Variants in MYO18B observed in about 807,000 individuals in gnomAD.
The protein encoded by MYO18B is myosin XVIIIB, also known as unconventional myosin-XVIIIb.
A neutral mutation model predicts 273.0 loss-of-function variants in MYO18B; 204 were observed. The ratio of observed to expected loss-of-function variants is 0.75; its 90% CI spans 0.67 to 0.84. The LOEUF (loss-of-function observed/expected upper bound fraction) is 0.84, where lower values mean the gene tolerates loss of function less well. MYO18B is among the 40% of genes least tolerant of loss of function. MYO18B has a pLI of 0.00. For missense variants in MYO18B, 3,212 were observed against 3,287.6 expected (o/e 0.98, Z 0.56); for synonymous variants, 1,330 against 1,305.7 (o/e 1.02, Z -0.40).
chr22:25,993,031 G>T (rs2093286171), intron 40 of MYO18B, among the ~76,000 whole-genome samples: 1 of 152,188 alleles, frequency 6.6e-6, no homozygotes, highest in South Asian at 2.1e-4. Flanking sequence ...AAGGGCAATG[G>T]CTGATTCAAG....
rs773659170 is a variant in MYO18B, at chr22:25,876,320, C to A, written c.4212C>A (p.Leu1404=). The A allele has an allele frequency of 1.2e-6, 2 of 1,611,628 alleles. No homozygotes were observed. The highest frequency in any genetic ancestry group is 1.1e-5 in the South Asian group (1 of 90,610). ...GTGCCACCATTGGAACTGAGCAGCT[C>A]CGAGCCAAGGAGGTCAGTCTATGTG... ...LLSATIGTEQ[L]RAKEEELTTL... The change falls in exon 24 of 44, where the codon CTC becomes CTA. Residue 1404 remains leucine (L), a synonymous_variant. Coordinates refer to ENST00000335473, the MANE Select transcript of MYO18B (RefSeq NM_032608.7).
chr22:25,818,644 T>G (rs2089145983), intron 12 of MYO18B, among the ~76,000 whole-genome samples: 1 of 152,190 alleles, frequency 6.6e-6, no homozygotes, highest in Non-Finnish European at 1.5e-5. Context: ...CCATTCCACA[T>G]GGCCTCTTTA....
intron 3 of MYO18B, 57 bp downstream of exon 3, chr22:25,763,446 T>C (rs1046590688): frequency 7.1e-6 from 11 of 1,554,476 alleles, no homozygotes; most frequent in Middle Eastern, 4.0e-4. Flanking sequence ...CATTCTGTCT[T>C]GTGAGCTTCC....
chr22:25,763,283 C>A lies in MYO18B; in HGVS notation c.92C>A (p.Ser31Tyr). Residue 31 changes from serine to tyrosine, a missense_variant, in exon 3 of 44, where the codon TCT (serine) becomes TAT (tyrosine). Coordinates refer to ENST00000335473, the MANE Select transcript of MYO18B (RefSeq NM_032608.7). ...PPPSSPPPLF[S>Y]VIPGGFIKQL... ...CCATCCTCGCCCCCTCCTCTTTTCTCTGTCATCCCAGGGGGCTTCATTAAG... is the reference window on the plus strand; with the variant it reads ...CCATCCTCGCCCCCTCCTCTTTTCTATGTCATCCCAGGGGGCTTCATTAAG... 2 of 1,612,330 alleles carry A rather than the reference C, an allele frequency of 1.2e-6. No homozygotes were observed.
intron 34 of MYO18B, among the ~76,000 whole-genome samples, chr22:25,934,869 C>T (rs1054349450): frequency 2.6e-5 from 4 of 152,084 alleles, no homozygotes; most frequent in East Asian, 3.9e-4. Context: ...CTTAGTGATT[C>T]GGGGGCTCAA....
chr22:25,893,983 C>A (rs2091733799), intron 27 of MYO18B, among the ~76,000 whole-genome samples: 1 of 152,194 alleles, frequency 6.6e-6, no homozygotes, highest in South Asian at 2.1e-4. Flanking sequence ...AACTATTTAT[C>A]CATTAATCCT....
rs2091551149 is a variant in MYO18B at position 25,887,984 on chromosome 22, G to A, written c.4315-2772G>A. ...TAATTTCAAGGATGGTGTTTGGGGT[G>A]TGACCTGGGGCATTCCTGGCTTGCA... On this transcript the variant is annotated intron_variant, in intron 25 of 43. Transcript: ENST00000335473. Among the ~76,000 whole-genome samples the A allele has an allele frequency of 2.6e-5, 4 of 152,152 alleles. No homozygotes were observed. The South Asian group carries it at 8.3e-4, about 32-fold the overall frequency.
In MYO18B at chr22:25,768,999, G is replaced by A. The variant is rs2086615138; in HGVS notation, c.1083G>A (p.Val361=). ...PQTQMEKTSQ[V]QGELGDDLRM... is the part of the protein sequence containing the mutation. ...CCCAGATGGAGAAGACAAGCCAAGTGCAGGGCGAGTTGGGGGACGATCTGA... is the reference window on the plus strand; with the variant it reads ...CCCAGATGGAGAAGACAAGCCAAGTACAGGGCGAGTTGGGGGACGATCTGA... Residue 361 remains valine, a synonymous_variant, in exon 4 of 44, where the codon GTG becomes GTA. Coordinates refer to ENST00000335473, the MANE Select transcript of MYO18B (RefSeq NM_032608.7). 3.1e-6 allele frequency: 5 copies of A among 1,611,354 alleles called. No individual in the cohort carries two copies. Among genetic ancestry groups the A allele is most frequent in the Non-Finnish European group, 4.2e-6 (5 of 1,178,670 alleles).
chr22:26,033,949 C>T (rs1936726491), downstream of MYO18B, among the ~76,000 whole-genome samples: 2 of 146,552 alleles, frequency 1.4e-5, no homozygotes, highest in African/African-American at 2.5e-5. Context: ...TTCCTTCCTT[C>T]TTTCTTCTCT....
chr22:25,849,342 C>G (rs1488760568), intron 20 of MYO18B, among the ~76,000 whole-genome samples: 3 of 152,180 alleles, frequency 2.0e-5, no homozygotes, highest in Non-Finnish European at 4.4e-5. Context: ...ATTTCTGTCT[C>G]CTAGACCTGG....
chr22:25,781,472 T>C (rs5761175), intron 9 of MYO18B, among the ~76,000 whole-genome samples: 4,108 of 151,928 alleles, frequency 0.027, 76 homozygotes, highest in East Asian at 0.058. Context: ...TAGCCGGGCG[T>C]GGTGGTGGGC....
chr22:25,746,771 G>C lies in MYO18B; in HGVS notation c.-110+4478G>C, dbSNP rs564662869. ...ATCTAAATTTAACAAGCCACCTGTGGCTAGTGGCTACTGTATTAGTACAGC... is the reference window on the plus strand; with the variant it reads ...ATCTAAATTTAACAAGCCACCTGTGCCTAGTGGCTACTGTATTAGTACAGC... On this transcript the variant is annotated intron_variant, in intron 1 of 43. Coordinates refer to ENST00000335473, the MANE Select transcript of MYO18B (RefSeq NM_032608.7). Among the ~76,000 whole-genome samples the C allele has an allele frequency of 2.6e-5, 4 of 152,330 alleles. No individual in the cohort carries two copies. The East Asian group carries it at 7.7e-4, about 29-fold the overall frequency.
At chr22:25,760,017 C>A (rs1255710324) in intron 1 of MYO18B, among the ~76,000 whole-genome samples, 1 of 152,160 alleles carries the variant, frequency 6.6e-6, no homozygotes, top group Non-Finnish European at 1.5e-5. Flanking sequence ...AAGCGTGGGA[C>A]AGATTGAGAG....
intron 36 of MYO18B, 150 bp from the exon 37 acceptor site, chr22:25,950,217 G>T: frequency 1.6e-6 from 1 of 615,964 alleles, no homozygotes; most frequent in Non-Finnish European, 2.8e-6. Context: ...GGATGTGAGA[G>T]GTAATTTTTG....
chr22:26,004,221 CCT>C (rs1258770133), intron 41 of MYO18B, among the ~76,000 whole-genome samples: 19 of 151,918 alleles, frequency 1.3e-4, no homozygotes, highest in Non-Finnish European at 1.9e-4. Context: ...GTGACGACCC[CCT>C]CTCTTTCTGT....
At chr22:25,982,536 C>T (rs893018547) in intron 39 of MYO18B, among the ~76,000 whole-genome samples, 9 of 152,180 alleles carry the variant, frequency 5.9e-5, no homozygotes, top group African/African-American at 2.2e-4. Context: ...ATTAAGGTAT[C>T]ATCAGGATTG....
intron 34 of MYO18B, among the ~76,000 whole-genome samples, chr22:25,927,689 C>G (rs372558646): frequency 6.6e-6 from 1 of 152,236 alleles, no homozygotes; most frequent in East Asian, 1.9e-4. Context: ...TTGAAACTCC[C>G]TAATAAAAAC....
Position 25,774,085 on chromosome 22 carries a change from A to C in MYO18B, c.1869+1575A>C, listed in dbSNP as rs1004043883. 1.9e-4 allele frequency among the ~76,000 whole-genome samples: 29 copies of C among 152,208 alleles called. 1 individual carries two copies. The highest frequency in any genetic ancestry group is 5.5e-4 in the African/African-American group (23 of 41,458). On this transcript the variant is annotated intron_variant, in intron 7 of 43. Coordinates refer to ENST00000335473, the MANE Select transcript of MYO18B (RefSeq NM_032608.7). The stretch of plus-strand genomic sequence containing the variant: ...CTCTGCCAACTGGGGGTGAAAACAC[A>C]TCTTGCCCTTTGGGGCCCTGTGGGA...
At chr22:26,029,448 C>T (rs75784362) in intron 43 of MYO18B, among the ~76,000 whole-genome samples, 5,706 of 152,150 alleles carry the variant, frequency 0.038, 352 homozygotes, top group African/African-American at 0.12. Context: ...TCTCAATTAC[C>T]GAGTAAAGAT....
Sources: gnomAD v4.1 joint callset for allele counts (sites outside exome capture counted in the v4.1 genomes callset) on GRCh38, gnomAD v4.1.1 for gene constraint, MANE v1.5 for transcripts, NCBI Gene and HGNC (gene_info 2026-07-23, HGNC 2026-07-21) for gene names.